The following MED23 variants were observed in gnomAD, a reference collection of about 807,000 sequenced individuals.
MED23 encodes the protein mediator complex subunit 23.
A neutral mutation model predicts 163.9 loss-of-function variants in MED23; 105 were observed. The ratio of observed to expected loss-of-function variants is 0.64; its 90% CI spans 0.55 to 0.75. The LOEUF (loss-of-function observed/expected upper bound fraction) is 0.75, where lower values mean the gene tolerates loss of function less well. Among genes scored for constraint, MED23 ranks in the 30% least tolerant of loss-of-function variants. MED23 has a pLI of 0.00. For missense variants in MED23, 1,054 were observed against 1,649.0 expected (o/e 0.64, Z 6.25); for synonymous variants, 561 against 565.6 (o/e 0.99, Z 0.12).
At chr6:131,577,501 C>T (rs1773678016) in intron 30 of MED23, among the ~76,000 whole-genome samples, 1 of 152,036 alleles carries the variant, frequency 6.6e-6, no homozygotes, top group African/African-American at 2.4e-5. Context: ...TGGGGGCAGC[C>T]ATATTTATAA....
At position 131,586,946 on chromosome 6, in the gene MED23, G is replaced by T. The variant is rs1774222376; in HGVS notation, c.*733C>A. 6.8e-7 allele frequency: 1 copy of T among 1,480,922 alleles called. No homozygotes were observed. The highest frequency in any genetic ancestry group is 9.1e-7 in the Non-Finnish European group (1 of 1,104,850). The allele number at this position is 1,480,922 out of a possible 1,614,324, so 91.7% of individuals were successfully genotyped here. A position where few individuals can be genotyped will look rare whatever the true frequency, so the allele number is the denominator to read the frequency against. Reference sequence around the variant, plus strand: ...CAGGTGAGAGTGTCAACCTGCAAAAGCAATTAACTTATTTTTAAAAAAAGA... The same window carrying T: ...CAGGTGAGAGTGTCAACCTGCAAAATCAATTAACTTATTTTTAAAAAAAGA... On this transcript the variant is annotated 3_prime_UTR_variant, in exon 29 of 29. Transcript: ENST00000368068.
At chr6:131,574,934 C>T (rs12111151) in intron 30 of MED23, among the ~76,000 whole-genome samples, 2,965 of 152,274 alleles carry the variant, frequency 0.019, 116 homozygotes, top group African/African-American at 0.069. Context: ...ATTCCAATGC[C>T]TATGCCCTTG....
downstream of MED23, among the ~76,000 whole-genome samples, chr6:131,582,235 A>C (rs1386757173): frequency 1.3e-5 from 2 of 152,224 alleles, no homozygotes; most frequent in Non-Finnish European, 2.9e-5. Context: ...TATCACATTA[A>C]GAATAACCAA....
Position 131,618,485 on chromosome 6 carries a change from C to G in MED23, c.702G>C (p.Ser234=). The G allele has an allele frequency of 6.2e-7, 1 of 1,613,874 alleles. No homozygotes were observed. The highest frequency in any genetic ancestry group is 8.5e-7 in the Non-Finnish European group (1 of 1,179,914). The change falls in exon 9 of 29, where the codon TCG becomes TCC. Residue 234 remains serine (S), a synonymous_variant. Coordinates refer to ENST00000368068, the MANE Select transcript of MED23 (RefSeq NM_004830.4). ...RCSLLPVVNN[S]GAICNSWKLD... is the part of the protein sequence containing the mutation. Reference sequence around the variant, plus strand: ...GTTTCCATGAATTACAAATGGCACCCGAATTATTTACAACTGGCAGAAGAC... The same window carrying G: ...GTTTCCATGAATTACAAATGGCACCGGAATTATTTACAACTGGCAGAAGAC...
intron 4 of MED23, among the ~76,000 whole-genome samples, chr6:131,624,136 T>C (rs1024965141): frequency 6.6e-6 from 1 of 152,252 alleles, no homozygotes; most frequent in African/African-American, 2.4e-5. Flanking sequence ...AACAAGATTT[T>C]TGATCCCACA....
chr6:131,611,572 A>T (rs1776277263), intron 10 of MED23, among the ~76,000 whole-genome samples: 1 of 152,178 alleles, frequency 6.6e-6, no homozygotes, highest in Non-Finnish European at 1.5e-5. Context: ...CTATTTCTTA[A>T]ATCAGCATGC....
Position 131,606,475 on chromosome 6 carries a change from T to C in MED23, c.1367+4A>G, listed in dbSNP as rs555623460. ...AATTAAGTATCAAGCAACAAATAAC[T>C]TACTCATGGTGAAGTCTTAGGGAAT... On this transcript the variant is annotated splice_donor_region_variant and intron_variant, in intron 13 of 28. Transcript: ENST00000368068. 12 of 1,612,524 alleles carry C rather than the reference T, an allele frequency of 7.4e-6. No homozygotes were observed. In the Admixed American group the frequency reaches 2.0e-4, roughly 27 times the overall value.
chr6:131,598,203 G>C lies in MED23; in HGVS notation c.2607+84C>G. On this transcript the variant is annotated intron_variant, in intron 20 of 28. Transcript: ENST00000368068. The surrounding 1 kb of genome is among the most constrained non-coding windows in gnomAD (Gnocchi z 4.7). ...GTATAAATTCATTAAATCCTTCAAA[G>C]CAATATAGAGCAGATTGGCATAACA... 7.7e-7 allele frequency: 1 copy of C among 1,305,094 alleles called. No homozygotes were observed. The highest frequency in any genetic ancestry group is 1.8e-5 in the Admixed American group (1 of 56,240). The allele number at this position is 1,305,094 out of a possible 1,614,324, so 80.8% of individuals were successfully genotyped here. A position where few individuals can be genotyped will look rare whatever the true frequency, so the allele number is the denominator to read the frequency against.
intron 6 of MED23, among the ~76,000 whole-genome samples, chr6:131,621,585 C>A (rs370069659): frequency 9.9e-5 from 15 of 152,038 alleles, no homozygotes; most frequent in Non-Finnish European, 1.5e-4. Flanking sequence ...ACAATTCTTG[C>A]GATACTAGTT....
chr6:131,589,195 T>A (rs940292914), intron 28 of MED23, among the ~76,000 whole-genome samples: 2 of 152,336 alleles, frequency 1.3e-5, no homozygotes, highest in Non-Finnish European at 2.9e-5. Context: ...ATGAGATTAC[T>A]ATTAATTAAC....
At chr6:131,621,131 A>G (rs1777068377) in intron 6 of MED23, among the ~76,000 whole-genome samples, 1 of 152,122 alleles carries the variant, frequency 6.6e-6, no homozygotes, top group Non-Finnish European at 1.5e-5. Context: ...CTACAATGAC[A>G]ATGACAACAA....
intron 9 of MED23, 136 bp from the exon 10 acceptor site, chr6:131,616,138 T>G: frequency 1.4e-6 from 1 of 725,278 alleles, no homozygotes; most frequent in Non-Finnish European, 2.4e-6. Context: ...GGGAAAAAAA[T>G]CATAGGATTT....
chr6:131,622,948 T>C (rs894323020), intron 5 of MED23, among the ~76,000 whole-genome samples: 1 of 152,206 alleles, frequency 6.6e-6, no homozygotes, highest in Non-Finnish European at 1.5e-5. Context: ...GCTGAAGATA[T>C]TAATTGAGGT....
rs917020235 is a variant in MED23, at chr6:131,615,503, C to CAAAAAAAAAAAAAAAAAAAAAAAAAA, written c.876+378_876+403dup. On this transcript the variant is annotated intron_variant, in intron 10 of 28. Coordinates refer to ENST00000368068, the MANE Select transcript of MED23 (RefSeq NM_004830.4). ...CCACCAAAAACAAGCAAACACACAC[C>CAAAAAAAAAAAAAAAAAAAAAAAAAA]AAAAAAAAAAAAAAAAAAAAAAAAA... Among the ~76,000 whole-genome samples the CAAAAAAAAAAAAAAAAAAAAAAAAAA allele has an allele frequency of 9.9e-4, 14 of 14,160 alleles. 1 individual carries two copies. The highest frequency in any genetic ancestry group is 2.6e-3 in the East Asian group (1 of 392). The allele number at this position is 14,160 out of a possible 152,430, so 9.3% of individuals were successfully genotyped here.
downstream of MED23, chr6:131,582,978 T>C: frequency 2.1e-6 from 2 of 960,066 alleles, no homozygotes; most frequent in Non-Finnish European, 3.2e-6. Flanking sequence ...TATATTTTAC[T>C]ATATTTATAT....
intron 1 of MED23, 105 bp downstream of exon 1, chr6:131,627,906 A>G (rs942198112): frequency 4.9e-6 from 7 of 1,421,626 alleles, no homozygotes; most frequent in Admixed American, 1.7e-5. Context: ...GGGAATAAAA[A>G]GGGAGGCGTG....
intron 30 of MED23, among the ~76,000 whole-genome samples, chr6:131,576,181 T>C (rs1356760115): frequency 6.6e-6 from 1 of 152,230 alleles, no homozygotes; most frequent in East Asian, 1.9e-4. Context: ...TTTTTGTTAC[T>C]AGGACATTTT....
chr6:131,622,140 C>T (rs1165225252), intron 5 of MED23, among the ~76,000 whole-genome samples, 161 bp from the exon 6 acceptor site: 1 of 152,170 alleles, frequency 6.6e-6, no homozygotes, highest in African/African-American at 2.4e-5. Context: ...ACAGAAGAGT[C>T]ATGTTCCAAA....
At chr6:131,604,099 T>C in intron 15 of MED23, 79 bp downstream of exon 15, 1 of 1,453,302 alleles carries the variant, frequency 6.9e-7, no homozygotes, top group Non-Finnish European at 9.6e-7. Context: ...TTCTCTGCTG[T>C]GTCCCCAGGA....
Sources: gnomAD v4.1 joint callset for allele counts (sites outside exome capture counted in the v4.1 genomes callset) on GRCh38, gnomAD v4.1.1 for gene constraint, Gnocchi (gnomAD v3.1) non-coding constraint, MANE v1.5 for transcripts, NCBI Gene and HGNC (gene_info 2026-07-23, HGNC 2026-07-21) for gene names.